The following ABHD17B variants were observed in gnomAD, a reference collection of about 807,000 sequenced individuals.
ABHD17B encodes abhydrolase domain containing 17B, depalmitoylase.
ABHD17B carries 9 observed loss-of-function variants against 26.2 expected under a neutral mutation model. The ratio of observed to expected loss-of-function variants is 0.34; its 90% CI spans 0.21 to 0.60. ABHD17B has a LOEUF of 0.60. ABHD17B is among the 20% of genes least tolerant of loss of function. The pLI is 0.80. For synonymous variants in ABHD17B, 127 were observed against 122.3 expected (o/e 1.04, Z -0.25); for missense variants, 224 against 352.1 (o/e 0.64, Z 2.91).
At chr9:71,885,671 T>C (rs1826586582) in intron 1 of ABHD17B, among the ~76,000 whole-genome samples, 1 of 152,180 alleles carries the variant, frequency 6.6e-6, no homozygotes, top group Admixed American at 6.5e-5. Context: ...TAACTGATTC[T>C]TTCTCAGCAA....
chr9:71,903,391 G>A (rs1372446260), intron 1 of ABHD17B, among the ~76,000 whole-genome samples: 2 of 152,094 alleles, frequency 1.3e-5, no homozygotes, highest in African/African-American at 4.8e-5. Flanking sequence ...ACTTTAAAGA[G>A]AGTCCATGTT....
chr9:71,888,814 C>T (rs1165855230), intron 1 of ABHD17B, among the ~76,000 whole-genome samples: 4 of 151,978 alleles, frequency 2.6e-5, no homozygotes, highest in Admixed American at 2.0e-4. Context: ...GTTAAAAAAA[C>T]TTTACCAAAC....
chr9:71,865,840 G>A lies in ABHD17B; in HGVS notation c.*947C>T. 1.0e-6 allele frequency: 1 copy of A among 964,944 alleles called. No homozygotes were observed. Among genetic ancestry groups the A allele is most frequent in the Non-Finnish European group, 1.2e-6 (1 of 811,436 alleles). 59.8% of individuals were successfully genotyped at this position (964,944 alleles called of 1,614,324 possible). ...CGCGCCACTGCACTCCAGCCTCAGTGACACAGCAAGACTCCATCTCAAAAA... is the reference window on the plus strand; with the variant it reads ...CGCGCCACTGCACTCCAGCCTCAGTAACACAGCAAGACTCCATCTCAAAAA... On this transcript the variant is annotated 3_prime_UTR_variant, in exon 4 of 4. Coordinates refer to ENST00000333421, the MANE Select transcript of ABHD17B (RefSeq NM_001025780.3).
chr9:71,893,522 G>T (rs897941360), intron 1 of ABHD17B, among the ~76,000 whole-genome samples: 3 of 152,226 alleles, frequency 2.0e-5, no homozygotes, highest in African/African-American at 4.8e-5. Context: ...AGGCATGTAG[G>T]AAGGGGATGC....
At chr9:71,892,514 CAG>C (rs1000920691) in intron 1 of ABHD17B, among the ~76,000 whole-genome samples, 37 of 151,808 alleles carry the variant, frequency 2.4e-4, no homozygotes, top group Non-Finnish European at 4.1e-4. Context: ...GCCTGGGTGA[CAG>C]AGTGAGACTC....
intron 1 of ABHD17B, among the ~76,000 whole-genome samples, chr9:71,888,916 A>C: frequency 6.6e-6 from 1 of 152,128 alleles, no homozygotes; most frequent in East Asian, 1.9e-4. Flanking sequence ...CGGTGATAAT[A>C]CTACTACTGT....
chr9:71,909,300 A>T (rs1827374329), intron 1 of ABHD17B, among the ~76,000 whole-genome samples: 1 of 152,238 alleles, frequency 6.6e-6, no homozygotes, highest in Non-Finnish European at 1.5e-5. Flanking sequence ...AAATGATATG[A>T]CAATTACTGC....
chr9:71,883,674 C>T (rs570699479), intron 1 of ABHD17B, among the ~76,000 whole-genome samples: 10 of 152,322 alleles, frequency 6.6e-5, no homozygotes, highest in Non-Finnish European at 8.8e-5. Context: ...TGGTGGCTCA[C>T]GCCTGTAATC....
intron 1 of ABHD17B, among the ~76,000 whole-genome samples, chr9:71,905,595 G>T (rs1312036611): frequency 1.3e-5 from 2 of 152,094 alleles, no homozygotes; most frequent in African/African-American, 2.4e-5. Context: ...ACATTCATAC[G>T]CTGTGATCTA....
intron 3 of ABHD17B, among the ~76,000 whole-genome samples, chr9:71,867,523 AATTT>A (rs1825991201): frequency 6.6e-6 from 1 of 152,242 alleles, no homozygotes; most frequent in Non-Finnish European, 1.5e-5. Context: ...TGTGTGAAAC[AATTT>A]ATTAAAAGAA....
downstream of ABHD17B, chr9:71,865,150 G>A (rs1333448654): frequency 3.0e-6 from 3 of 985,092 alleles, no homozygotes; most frequent in African/African-American, 1.7e-5. Flanking sequence ...AATAAGCACA[G>A]GTCAGTGGTA....
intron 3 of ABHD17B, among the ~76,000 whole-genome samples, chr9:71,867,278 C>T (rs1825984649): frequency 6.6e-6 from 1 of 152,194 alleles, no homozygotes; most frequent in Non-Finnish European, 1.5e-5. Flanking sequence ...TACCTTTCTA[C>T]AATGTTGACT....
chr9:71,865,902 G>A lies in ABHD17B; in HGVS notation c.*885C>T, dbSNP rs886842634. On this transcript the variant is annotated 3_prime_UTR_variant, in exon 4 of 4. Transcript: ENST00000333421. Reference sequence around the variant, plus strand: ...AGCCAAAGTGAAAAGGGATCTGATAGCCAGTCTGTTAGTGGTCTTTAAGAT... The same window carrying A: ...AGCCAAAGTGAAAAGGGATCTGATAACCAGTCTGTTAGTGGTCTTTAAGAT... The A allele has an allele frequency of 1.8e-5, 18 of 985,230 alleles. No individual in the cohort carries two copies. The highest frequency in any genetic ancestry group is 1.8e-5 in the Non-Finnish European group (15 of 829,898). 61.0% of individuals were successfully genotyped at this position (985,230 alleles called of 1,614,324 possible). A position where few individuals can be genotyped will look rare whatever the true frequency, so the allele number is the denominator to read the frequency against.
intron 1 of ABHD17B, among the ~76,000 whole-genome samples, chr9:71,894,193 T>C (rs1310093504): frequency 6.6e-6 from 1 of 150,532 alleles, no homozygotes; most frequent in Admixed American, 6.6e-5. Context: ...AGATCAAATA[T>C]ATATTTCACA....
intron 1 of ABHD17B, among the ~76,000 whole-genome samples, chr9:71,880,966 C>T (rs2132154821): frequency 6.6e-6 from 1 of 152,048 alleles, no homozygotes; most frequent in East Asian, 1.9e-4. Flanking sequence ...AGAAAAAAGA[C>T]TCCTCCACTT....
chr9:71,875,168 AT>A, intron 1 of ABHD17B, 85 bp from the exon 2 acceptor site: 1 of 1,030,176 alleles, frequency 9.7e-7, no homozygotes, highest in Non-Finnish European at 1.4e-6. Context: ...ACATGGGTAA[AT>A]TTTATTGGTG....
At position 71,897,703 on chromosome 9, in the gene ABHD17B, T is replaced by C. The variant is rs1427244519; in HGVS notation, c.-4+12931A>G. Reference sequence around the variant, plus strand: ...ATATAAATGTAATACTCTTTAACTCTCTTTACATAGATGTTGTAACATGTC... The same window carrying C: ...ATATAAATGTAATACTCTTTAACTCCCTTTACATAGATGTTGTAACATGTC... On this transcript the variant is annotated intron_variant, in intron 1 of 3. Transcript: ENST00000333421. 2.6e-5 allele frequency among the ~76,000 whole-genome samples: 4 copies of C among 152,308 alleles called. No individual in the cohort carries two copies. In the East Asian group the frequency reaches 7.7e-4, roughly 29 times the overall value.
intron 2 of ABHD17B, among the ~76,000 whole-genome samples, chr9:71,872,277 A>G (rs1040141277): frequency 6.6e-6 from 1 of 152,246 alleles, no homozygotes; most frequent in Non-Finnish European, 1.5e-5. Context: ...ATTCTAAAAT[A>G]TAAGTGCTAA....
intron 3 of ABHD17B, among the ~76,000 whole-genome samples, chr9:71,867,937 T>C (rs1826002687): frequency 1.3e-5 from 2 of 151,742 alleles, no homozygotes; most frequent in Admixed American, 1.3e-4. Flanking sequence ...CCAGGTGCGG[T>C]GGCTCATGCC....
Sources: gnomAD v4.1 joint callset for allele counts (sites outside exome capture counted in the v4.1 genomes callset) on GRCh38, gnomAD v4.1.1 for gene constraint, MANE v1.5 for transcripts, NCBI Gene and HGNC (gene_info 2026-07-23, HGNC 2026-07-21) for gene names.